Variants in WDPCP observed in about 807,000 individuals in gnomAD.
WDPCP encodes WD repeat-containing and planar cell polarity effector protein fritz homolog.
A neutral mutation model predicts 93.1 loss-of-function variants in WDPCP; 71 were observed. The ratio of observed to expected loss-of-function variants is 0.76; its 90% CI spans 0.63 to 0.93. The LOEUF (loss-of-function observed/expected upper bound fraction) is 0.93. WDPCP is among the 40% of genes least tolerant of loss of function. The pLI, the probability that WDPCP is intolerant of heterozygous loss-of-function variation, is 0.00. For synonymous variants in WDPCP, 315 were observed against 315.0 expected (o/e 1.00, Z 0.00); for missense variants, 844 against 887.4 (o/e 0.95, Z 0.62).
At chr2:63,817,694 G>A (rs145640596) in intron 1 of WDPCP, among the ~76,000 whole-genome samples, 5 of 152,084 alleles carry the variant, frequency 3.3e-5, no homozygotes, top group Non-Finnish European at 5.9e-5. Context: ...TTTATTATCC[G>A]TCCCTTTACA....
At chr2:63,367,735 A>C (rs1691028152) in intron 12 of WDPCP, among the ~76,000 whole-genome samples, 1 of 152,214 alleles carries the variant, frequency 6.6e-6, no homozygotes, top group South Asian at 2.1e-4. Context: ...GAAAAAACAT[A>C]AGTGTTCCAA....
rs538843653 is a variant in WDPCP at position 63,378,679 on chromosome 2, T to C, written c.1625-170A>G. Among the ~76,000 whole-genome samples, 4 of 152,202 alleles carry C rather than the reference T, an allele frequency of 2.6e-5. No individual in the cohort carries two copies. The East Asian group carries it at 7.7e-4, about 29-fold the overall frequency. Reference sequence around the variant, plus strand: ...GCTGGTACAAAAACAAACCTGTGTATAAACTTTCACTTGAGGCAAAGCTGA... The same window carrying C: ...GCTGGTACAAAAACAAACCTGTGTACAAACTTTCACTTGAGGCAAAGCTGA... On this transcript the variant is annotated intron_variant, in intron 11 of 17. Coordinates refer to ENST00000272321, the MANE Select transcript of WDPCP (RefSeq NM_015910.7).
chr2:63,488,922 T>C (rs1477307447), intron 2 of WDPCP, among the ~76,000 whole-genome samples: 1 of 151,682 alleles, frequency 6.6e-6, no homozygotes, highest in African/African-American at 2.4e-5. Flanking sequence ...GAGCATCCAG[T>C]TAAGAAAACC....
At position 63,547,516 on chromosome 2, in the gene WDPCP, C is replaced by T. The variant is rs188819654; in HGVS notation, c.75+40681G>A. ...CTAAAGTATGGAATAAACCCAAGTG[C>T]CCATCAATGGATAAACAGATAAAGA... is the stretch of plus-strand genomic sequence containing the variant. On this transcript the variant is annotated intron_variant, in intron 1 of 17. Transcript: ENST00000272321. Among the ~76,000 whole-genome samples, 251 of 151,716 alleles carry T rather than the reference C, an allele frequency of 1.7e-3. 1 individual carries two copies. Among genetic ancestry groups the T allele is most frequent in the African/African-American group, 5.9e-3 (242 of 41,348 alleles).
At chr2:63,303,970 C>CA (rs34553510) in intron 13 of WDPCP, among the ~76,000 whole-genome samples, 37,603 of 131,252 alleles carry the variant, frequency 0.29, 6,296 homozygotes, top group East Asian at 0.59. Flanking sequence ...AGTAAAAAGT[C>CA]AAAAAAAAAA....
intron 3 of WDPCP, among the ~76,000 whole-genome samples, chr2:63,650,395 C>G (rs1172171273): frequency 6.6e-6 from 1 of 152,192 alleles, no homozygotes. Context: ...ATGACTTTAT[C>G]CCACTGAAAA....
chr2:63,491,940 C>T (rs930582958), intron 2 of WDPCP, among the ~76,000 whole-genome samples: 1 of 152,100 alleles, frequency 6.6e-6, no homozygotes, highest in African/African-American at 2.4e-5. Context: ...TTCAGTTGTC[C>T]CCTCTGTCGA....
chr2:63,778,902 G>T (rs1268194918), intron 2 of WDPCP, among the ~76,000 whole-genome samples: 1 of 152,112 alleles, frequency 6.6e-6, no homozygotes, highest in African/African-American at 2.4e-5. Context: ...CCAAATAAAA[G>T]ATAATATTTT....
chr2:63,150,441 G>T (rs1671813241), intron 17 of WDPCP, among the ~76,000 whole-genome samples: 1 of 152,164 alleles, frequency 6.6e-6, no homozygotes, highest in South Asian at 2.1e-4. Context: ...CAATGCACAG[G>T]ACAGCCCAAG....
intron 2 of WDPCP, among the ~76,000 whole-genome samples, chr2:63,671,715 T>C (rs888488366): frequency 3.9e-5 from 6 of 152,156 alleles, no homozygotes; most frequent in African/African-American, 1.4e-4. Flanking sequence ...ACCCCGCCAA[T>C]CTTTGCATAT....
At chr2:63,639,197 C>CT (rs767139750) in intron 3 of WDPCP, among the ~76,000 whole-genome samples, 12 of 152,296 alleles carry the variant, frequency 7.9e-5, no homozygotes, top group Non-Finnish European at 1.6e-4. Flanking sequence ...AGTTGCACCA[C>CT]TGCACTCCAG....
At chr2:63,474,110 T>C (rs919457911) in intron 6 of WDPCP, among the ~76,000 whole-genome samples, 3 of 152,056 alleles carry the variant, frequency 2.0e-5, no homozygotes, top group Admixed American at 1.3e-4. Flanking sequence ...TACTCAAAGA[T>C]TGCCTGGCAC....
chr2:63,398,221 A>T (rs1693888973), intron 10 of WDPCP, among the ~76,000 whole-genome samples: 1 of 152,220 alleles, frequency 6.6e-6, no homozygotes, highest in African/African-American at 2.4e-5. Flanking sequence ...GGAGCTGATA[A>T]TGTGAGTTTA....
intron 14 of WDPCP, among the ~76,000 whole-genome samples, chr2:63,215,193 T>C (rs1677207499): frequency 6.6e-6 from 1 of 152,130 alleles, no homozygotes; most frequent in Non-Finnish European, 1.5e-5. Flanking sequence ...AGAACAAAGC[T>C]GGAGGCATCA....
At chr2:63,337,347 A>G (rs1688457887) in intron 12 of WDPCP, among the ~76,000 whole-genome samples, 1 of 152,246 alleles carries the variant, frequency 6.6e-6, no homozygotes, top group Non-Finnish European at 1.5e-5. Context: ...ATAATATTCC[A>G]TTGTGTATAT....
intron 2 of WDPCP, among the ~76,000 whole-genome samples, chr2:63,770,459 T>C (rs985094660): frequency 1.3e-5 from 2 of 151,964 alleles, no homozygotes; most frequent in African/African-American, 4.8e-5. Context: ...TTCAACTATT[T>C]TTTACCTACA....
intron 1 of WDPCP, among the ~76,000 whole-genome samples, chr2:63,526,324 G>A (rs1018992113): frequency 3.9e-5 from 6 of 151,974 alleles, no homozygotes; most frequent in Non-Finnish European, 7.4e-5. Flanking sequence ...GCACTATTTC[G>A]TGTTGTCCAA....
intron 2 of WDPCP, among the ~76,000 whole-genome samples, chr2:63,709,727 C>T (rs558573366): frequency 5.9e-5 from 9 of 152,248 alleles, no homozygotes; most frequent in African/African-American, 2.2e-4. Context: ...ATTTTCCATT[C>T]CTACCTTGGG....
chr2:63,515,459 A>C (rs17027936), intron 1 of WDPCP, among the ~76,000 whole-genome samples: 2,460 of 152,296 alleles, frequency 0.016, 86 homozygotes, highest in African/African-American at 0.056. Flanking sequence ...ATGCTGTTAC[A>C]AAGAAATGGT....
Sources: gnomAD v4.1 joint callset for allele counts (sites outside exome capture counted in the v4.1 genomes callset) on GRCh38, gnomAD v4.1.1 for gene constraint, MANE v1.5 for transcripts, NCBI Gene and HGNC (gene_info 2026-07-23, HGNC 2026-07-21) for gene names.